Variants in STMN4 observed in about 807,000 individuals in gnomAD.
STMN4 encodes stathmin 4, also known as stathmin-4.
STMN4 carries 12 observed loss-of-function variants against 29.1 expected under a neutral mutation model. The observed-to-expected ratio is 0.41, with a 90% CI of 0.26 to 0.67. The LOEUF (loss-of-function observed/expected upper bound fraction) is 0.67, where lower values mean the gene tolerates loss of function less well. STMN4 is among the 30% of genes least tolerant of loss of function. The pLI is 0.30. For synonymous variants in STMN4, 114 were observed against 105.3 expected (o/e 1.08, Z -0.51); for missense variants, 181 against 262.8 (o/e 0.69, Z 2.15).
intron 1 of STMN4, among the ~76,000 whole-genome samples, chr8:27,244,582 G>A (rs771341257): frequency 3.3e-5 from 5 of 152,088 alleles, no homozygotes; most frequent in African/African-American, 9.7e-5. Context: ...CCCTGGTGTC[G>A]GTAGCACCTG....
chr8:27,241,664 G>C lies in STMN4; in HGVS notation c.190+13C>G, dbSNP rs569281361. ...GCTCGGCCTGCGGAATCCCTCCGCT[G>C]CCTCCCTCCTACCCTGAGCTCTTCT... On this transcript the variant is annotated intron_variant, in intron 4 of 6. Coordinates refer to ENST00000350889, the MANE Select transcript of STMN4 (RefSeq NM_030795.4). 2 of 1,614,072 alleles carry C rather than the reference G, an allele frequency of 1.2e-6. No homozygotes were observed. Among genetic ancestry groups the C allele is most frequent in the Non-Finnish European group, 1.7e-6 (2 of 1,179,962 alleles).
At chr8:27,245,523 C>T (rs1017633801) in intron 1 of STMN4, among the ~76,000 whole-genome samples, 1 of 152,262 alleles carries the variant, frequency 6.6e-6, no homozygotes, top group Non-Finnish European at 1.5e-5. Context: ...CTTCTCTCTG[C>T]AGAACTAAGC....
At chr8:27,243,063 G>A (rs927829227) in intron 2 of STMN4, among the ~76,000 whole-genome samples, 3 of 152,124 alleles carry the variant, frequency 2.0e-5, no homozygotes, top group Non-Finnish European at 2.9e-5. Context: ...CCAAAAGCTG[G>A]AGCATATCCC....
chr8:27,239,430 C>T, intron 6 of STMN4: 1 of 826,506 alleles, frequency 1.2e-6, no homozygotes, highest in Non-Finnish European at 1.8e-6. Context: ...TCATGTTTCT[C>T]ATATTTAGGT....
chr8:27,242,034 G>T, intron 3 of STMN4: 1 of 568,792 alleles, frequency 1.8e-6, no homozygotes, highest in Non-Finnish European at 3.1e-6. Flanking sequence ...CTGTTGACCT[G>T]GAAACTGACT....
intron 1 of STMN4, among the ~76,000 whole-genome samples, chr8:27,254,087 G>A (rs1026970818): frequency 1.3e-5 from 2 of 152,172 alleles, no homozygotes; most frequent in Admixed American, 1.3e-4. Context: ...CCGGCCCATG[G>A]TATGTTTCTT....
In STMN4 at chr8:27,243,789, C is replaced by T. The variant is rs768134035; in HGVS notation, c.-66G>A. Reference sequence around the variant, plus strand: ...GAGTGGGTCTGTCACCAGCTTGGGACGCTGTCACCAACCTGAGAAAAGGGG... The same window carrying T: ...GAGTGGGTCTGTCACCAGCTTGGGATGCTGTCACCAACCTGAGAAAAGGGG... On this transcript the variant is annotated 5_prime_UTR_variant, in exon 2 of 7. Coordinates refer to ENST00000350889, the MANE Select transcript of STMN4 (RefSeq NM_030795.4). The T allele has an allele frequency of 2.4e-5, 38 of 1,613,946 alleles. No homozygotes were observed. The highest frequency in any genetic ancestry group is 1.2e-4 in the South Asian group (11 of 91,086).
chr8:27,257,667 C>T (rs1801982998), intron 1 of STMN4, among the ~76,000 whole-genome samples: 1 of 152,146 alleles, frequency 6.6e-6, no homozygotes, highest in African/African-American at 2.4e-5. Context: ...TGCCTAAACT[C>T]CTGGCAAGTG....
chr8:27,242,561 C>T, intron 2 of STMN4, 69 bp from the exon 3 acceptor site: 1 of 1,520,976 alleles, frequency 6.6e-7, no homozygotes, highest in Non-Finnish European at 9.0e-7. Flanking sequence ...CCTCACGGGT[C>T]TGGGGCTCTG....
intron 1 of STMN4, among the ~76,000 whole-genome samples, chr8:27,255,313 C>T (rs1314637772): frequency 6.6e-6 from 1 of 152,182 alleles, no homozygotes; most frequent in African/African-American, 2.4e-5. Flanking sequence ...ATTTCTATCT[C>T]TCCTCCCACA....
chr8:27,256,891 A>G (rs1451671127), intron 1 of STMN4, among the ~76,000 whole-genome samples: 1 of 151,768 alleles, frequency 6.6e-6, no homozygotes, highest in Non-Finnish European at 1.5e-5. Flanking sequence ...CAGGGAACTC[A>G]CTCCCTACAG....
rs1264932472 is a variant in STMN4 at position 27,236,152 on chromosome 8, A to T, written c.*694T>A. On this transcript the variant is annotated 3_prime_UTR_variant, in exon 7 of 7. Transcript: ENST00000350889. ...TTATGCCAAAGGCTGGCCTGATTCA[A>T]CCCACCTCACCCAGGCTCCAGATGC... The T allele has an allele frequency of 6.6e-6, 1 of 152,232 alleles. No individual in the cohort carries two copies. The highest frequency in any genetic ancestry group is 6.5e-5 in the Admixed American group (1 of 15,284). The allele number at this position is 152,232 out of a possible 1,614,324, so 9.4% of individuals were successfully genotyped here.
At chr8:27,243,953 C>T (rs142970535) in intron 1 of STMN4, among the ~76,000 whole-genome samples, 152 bp from the exon 2 acceptor site, 356 of 152,298 alleles carry the variant, frequency 2.3e-3, no homozygotes, top group African/African-American at 8.1e-3. Context: ...CTGGGGGTCC[C>T]CTACCCCGAC....
Position 27,247,275 on chromosome 8 carries a change from A to G in STMN4, c.-78-3474T>C, listed in dbSNP as rs112012617. 9.0e-3 allele frequency among the ~76,000 whole-genome samples: 1,352 copies of G among 150,248 alleles called. 19 individuals are homozygous for G. Among genetic ancestry groups the G allele is most frequent in the Middle Eastern group, 0.048 (14 of 290 alleles). ...GTCTCAAAAAAAAAAAAAAAAAAAG[A>G]TGATCTATTTACTTGTGCCTGTGGG... On this transcript the variant is annotated intron_variant, in intron 1 of 6. Coordinates refer to ENST00000350889, the MANE Select transcript of STMN4 (RefSeq NM_030795.4).
chr8:27,237,592 A>G (rs1435780062), intron 6 of STMN4, among the ~76,000 whole-genome samples: 2 of 152,182 alleles, frequency 1.3e-5, no homozygotes, highest in South Asian at 4.1e-4. Flanking sequence ...AAGAATTTTG[A>G]AAATGTTGCC....
chr8:27,240,480 TA>T (rs918019561), intron 5 of STMN4, among the ~76,000 whole-genome samples: 1 of 151,616 alleles, frequency 6.6e-6, no homozygotes, highest in African/African-American at 2.4e-5. Flanking sequence ...CAGCTTGGGG[TA>T]AAAAAAAGTC....
intron 5 of STMN4, 126 bp downstream of exon 5, chr8:27,240,928 G>A: frequency 1.1e-6 from 1 of 931,138 alleles, no homozygotes. Context: ...CCGCACACTC[G>A]GGAGATGCTC....
intron 1 of STMN4, among the ~76,000 whole-genome samples, chr8:27,244,589 C>G (rs909298018): frequency 3.9e-5 from 6 of 152,096 alleles, no homozygotes; most frequent in African/African-American, 7.2e-5. Flanking sequence ...GTCGGTAGCA[C>G]CTGAGCAGTG....
At chr8:27,253,996 T>TG (rs2130165764) in intron 1 of STMN4, among the ~76,000 whole-genome samples, 1 of 152,332 alleles carries the variant, frequency 6.6e-6, no homozygotes, top group East Asian at 1.9e-4. Context: ...TTGGCCAGGC[T>TG]GGTCTTGAAT....
Sources: allele counts gnomAD v4.1 joint callset (sites outside exome capture counted in the v4.1 genomes callset), GRCh38; gene constraint gnomAD v4.1.1; transcripts MANE v1.5; gene names NCBI Gene and HGNC (gene_info 2026-07-23, HGNC 2026-07-21).